Variants in PLCE1 observed in about 807,000 individuals in gnomAD.
The protein encoded by PLCE1 is phospholipase C epsilon 1, also known as 1-phosphatidylinositol 4,5-bisphosphate phosphodiesterase epsilon-1.
PLCE1 carries 119 observed loss-of-function variants against 242.8 expected under a neutral mutation model. The observed-to-expected ratio is 0.49, with a 90% CI of 0.42 to 0.57. The LOEUF is 0.57. Ranked by LOEUF, PLCE1 falls within the 20% of genes least tolerant of loss-of-function variation. The pLI is 0.00. For synonymous variants in PLCE1, 945 were observed against 1,017.4 expected (o/e 0.93, Z 1.35); for missense variants, 2,441 against 2,788.8 (o/e 0.88, Z 2.81).
At chr10:94,044,220 T>C (rs933017246) in intron 2 of PLCE1, among the ~76,000 whole-genome samples, 3 of 152,182 alleles carry the variant, frequency 2.0e-5, no homozygotes, top group Non-Finnish European at 2.9e-5. Flanking sequence ...AGTAATGAAA[T>C]AGATTTAAAC....
chr10:94,096,881 A>G (rs953437921), intron 2 of PLCE1: 2 of 152,254 alleles, frequency 1.3e-5, no homozygotes, highest in African/African-American at 4.8e-5. Context: ...TGAGTTCTAG[A>G]GAGAAACATT....
rs927266684 is a variant in PLCE1, at chr10:94,247,270, G to A, written c.3096+649G>A. Among the ~76,000 whole-genome samples the A allele has an allele frequency of 3.3e-5, 5 of 151,766 alleles. No individual in the cohort carries two copies. The South Asian group carries it at 8.3e-4, about 25-fold the overall frequency. ...GTAACTGAAAATGCTTATGTTAACT[G>A]GTTTCTTTGCAGATGGGAGAACTAT... On this transcript the variant is annotated intron_variant, in intron 8 of 32. Coordinates refer to ENST00000371380, the MANE Select transcript of PLCE1 (RefSeq NM_016341.4).
At chr10:94,256,968 G>A (rs950414427) in intron 11 of PLCE1, among the ~76,000 whole-genome samples, 3 of 152,180 alleles carry the variant, frequency 2.0e-5, no homozygotes, top group African/African-American at 7.2e-5. Context: ...TCTGCAACCA[G>A]AAAGAAGCAA....
intron 3 of PLCE1, among the ~76,000 whole-genome samples, chr10:94,167,016 A>T (rs747595654): frequency 5.9e-5 from 9 of 152,214 alleles, no homozygotes; most frequent in Non-Finnish European, 1.3e-4. Context: ...TGGGCCAGGC[A>T]TGGTGGCTCA....
chr10:94,204,996 T>G (rs2049111891), intron 4 of PLCE1, among the ~76,000 whole-genome samples: 1 of 152,234 alleles, frequency 6.6e-6, no homozygotes, highest in South Asian at 2.1e-4. Flanking sequence ...TGTTGCTCAC[T>G]GACAGTCTTA....
At chr10:94,040,601 C>G (rs574773227) in intron 2 of PLCE1, among the ~76,000 whole-genome samples, 11 of 152,300 alleles carry the variant, frequency 7.2e-5, no homozygotes, top group Middle Eastern at 3.4e-3. Flanking sequence ...AGAAGTGCCA[C>G]CCATATACTT....
intron 4 of PLCE1, among the ~76,000 whole-genome samples, chr10:94,210,181 TG>T (rs1423098465): frequency 2.6e-5 from 4 of 151,288 alleles, no homozygotes; most frequent in Admixed American, 6.6e-5. Flanking sequence ...ATTTGAATGG[TG>T]TTTTTTTTTT....
Position 94,070,080 on chromosome 10 carries a change from G to A in PLCE1, c.1206+37828G>A, listed in dbSNP as rs139360228. ...GGTTGGCTAGTCTCCAAGGAGTGAG[G>A]TAATGTGCTGTACCCTACAGCCACA... On this transcript the variant is annotated intron_variant, in intron 2 of 32. Transcript: ENST00000371380. Among the ~76,000 whole-genome samples the A allele has an allele frequency of 2.3e-4, 35 of 152,282 alleles. No individual in the cohort carries two copies. The East Asian group carries it at 6.6e-3, about 29-fold the overall frequency.
chr10:94,235,070 A>ACACACG (rs1490761883), intron 6 of PLCE1, among the ~76,000 whole-genome samples: 1 of 146,102 alleles, frequency 6.8e-6, no homozygotes, highest in African/African-American at 2.5e-5. Context: ...TTTCACACAC[A>ACACACG]CACACACACA....
chr10:94,138,556 C>A, intron 3 of PLCE1: 1 of 472,796 alleles, frequency 2.1e-6, no homozygotes, highest in South Asian at 1.7e-5. Flanking sequence ...CAGACTCCAT[C>A]TGGGGATCAG....
At chr10:94,093,973 G>A (rs1214608287) in intron 2 of PLCE1, among the ~76,000 whole-genome samples, 1 of 112,136 alleles carries the variant, frequency 8.9e-6, no homozygotes, top group African/African-American at 3.9e-5. Context: ...ACGGAGTCTC[G>A]CTCTGTCGCC....
chr10:93,999,250 A>G (rs528240289), intron 1 of PLCE1, among the ~76,000 whole-genome samples: 105 of 152,320 alleles, frequency 6.9e-4, no homozygotes, highest in Non-Finnish European at 1.2e-3. Flanking sequence ...AGCAATTTAT[A>G]GGTACTAACT....
intron 2 of PLCE1, among the ~76,000 whole-genome samples, chr10:94,044,532 A>C (rs549274424): frequency 2.0e-5 from 3 of 152,342 alleles, no homozygotes; most frequent in African/African-American, 7.2e-5. Context: ...ACAAACTTGA[A>C]CACAGACTTG....
chr10:94,084,280 T>C (rs1189502011), intron 2 of PLCE1, among the ~76,000 whole-genome samples: 1 of 152,124 alleles, frequency 6.6e-6, no homozygotes, highest in Non-Finnish European at 1.5e-5. Context: ...TCCCACAGTG[T>C]GAAAGGGGCT....
At chr10:94,172,849 T>C (rs2048025006) in intron 4 of PLCE1, among the ~76,000 whole-genome samples, 1 of 152,144 alleles carries the variant, frequency 6.6e-6, no homozygotes. Flanking sequence ...CAAAACACTT[T>C]CTAACTGTAG....
chr10:94,259,314 C>T (rs1246699230), intron 13 of PLCE1, among the ~76,000 whole-genome samples, 164 bp downstream of exon 13: 2 of 147,680 alleles, frequency 1.4e-5, no homozygotes, highest in African/African-American at 2.5e-5. Flanking sequence ...GATGCAGTCT[C>T]ACTCTGTAGC....
chr10:94,314,108 A>G (rs1047169450), intron 28 of PLCE1, among the ~76,000 whole-genome samples: 14 of 152,052 alleles, frequency 9.2e-5, no homozygotes, highest in Non-Finnish European at 1.8e-4. Context: ...ACAGGTCCCC[A>G]TCCATGGGGG....
intron 4 of PLCE1, among the ~76,000 whole-genome samples, chr10:94,205,847 G>A (rs894990229): frequency 3.3e-5 from 5 of 152,312 alleles, no homozygotes; most frequent in South Asian, 4.1e-4. Context: ...ACTTTTGGTC[G>A]CTTCTTGAGG....
rs371746751 is a variant in PLCE1, at chr10:94,116,684, G to T, written c.1207-15490G>T. 5.3e-5 allele frequency among the ~76,000 whole-genome samples: 8 copies of T among 152,086 alleles called. No homozygotes were observed. The East Asian group carries it at 1.6e-3, about 29-fold the overall frequency. ...CACTCCAGTCTGGGCGAAAGAGTGA[G>T]ACTCTGTCTCAAAAAAAAAAATTTT... On this transcript the variant is annotated intron_variant, in intron 2 of 32. Transcript: ENST00000371380.
Sources: allele counts gnomAD v4.1 joint callset (sites outside exome capture counted in the v4.1 genomes callset), GRCh38; gene constraint gnomAD v4.1.1; transcripts MANE v1.5; gene names NCBI Gene and HGNC (gene_info 2026-07-23, HGNC 2026-07-21).